The following DNAH14 variants were observed in gnomAD, a reference collection of about 807,000 sequenced individuals.
The protein encoded by DNAH14 is dynein axonemal heavy chain 14.
DNAH14 carries 478 observed loss-of-function variants against 520.9 expected under a neutral mutation model. The observed-to-expected ratio is 0.92, with a 90% CI of 0.85 to 0.99. DNAH14 has a LOEUF of 0.99. DNAH14 is among the 50% of genes least tolerant of loss of function. The pLI, the probability that DNAH14 is intolerant of heterozygous loss-of-function variation, is 0.00. For missense variants in DNAH14, 4,831 were observed against 5,234.5 expected (o/e 0.92, Z 2.38); for synonymous variants, 1,581 against 1,757.2 (o/e 0.90, Z 2.51).
intron 75 of DNAH14, among the ~76,000 whole-genome samples, chr1:225,362,692 GCTA>G (rs2095506751): frequency 6.6e-6 from 1 of 151,474 alleles, no homozygotes. Context: ...CCTCCAAAAG[GCTA>G]CTATCAAAAA....
rs61851487 is a variant in DNAH14 at position 225,185,370 on chromosome 1, C to T, written c.5615C>T (p.Thr1872Met). ...AGAAGAATTTTGGAAAAAGCATTAA[C>T]GCTATTACCAATTGCAGACTTCTTA... ...TVRRILEKAL[T>M]LLPIADFLSV... Residue 1872 changes from threonine to methionine, a missense_variant, in exon 37 of 86, where the codon ACG (threonine) becomes ATG (methionine). By Grantham distance (81) the Thr-to-Met change is moderately conservative. Transcript: ENST00000682510. 0.12 allele frequency: 184,463 copies of T among 1,544,372 alleles called. 12,165 individuals carry two copies. The highest frequency in any genetic ancestry group is 0.3 in the East Asian group (11,912 of 40,146).
At chr1:225,159,953 G>A (rs2081373418) in intron 35 of DNAH14, among the ~76,000 whole-genome samples, 1 of 152,016 alleles carries the variant, frequency 6.6e-6, no homozygotes, top group South Asian at 2.1e-4. Context: ...AGAACTCAAT[G>A]TCTCTTGTTA....
rs948737302 is a variant in DNAH14 at position 225,374,786 on chromosome 1, G to T, written c.12417G>T (p.Arg4139=). The change falls in exon 78 of 86, where the codon CGG becomes CGT. Residue 4139 remains arginine (R), a synonymous_variant. Transcript: ENST00000682510. ...YLIGEVIYGG[R]VIDNWDKRCL... ...TTGGAGAAGTGATTTACGGTGGCCG[G>T]GTGATTGATAATTGGGACAAGCGAT... 1 of 1,551,500 alleles carries T rather than the reference G, an allele frequency of 6.4e-7. No homozygotes were observed. The highest frequency in any genetic ancestry group is 1.7e-4 in the Middle Eastern group (1 of 5,992).
intron 35 of DNAH14, among the ~76,000 whole-genome samples, chr1:225,162,759 C>G (rs1165076160): frequency 2.0e-5 from 3 of 151,888 alleles, no homozygotes; most frequent in Non-Finnish European, 2.9e-5. Flanking sequence ...GAGTTAATTC[C>G]TAGGTATTTA....
intron 17 of DNAH14, among the ~76,000 whole-genome samples, chr1:225,075,110 C>T (rs2072093316): frequency 6.6e-6 from 1 of 152,206 alleles, no homozygotes; most frequent in Non-Finnish European, 1.5e-5. Flanking sequence ...CTCTGTGTGT[C>T]AGACTGAAGG....
At chr1:225,393,912 G>A (rs1178044395) in intron 84 of DNAH14, among the ~76,000 whole-genome samples, 10 of 150,862 alleles carry the variant, frequency 6.6e-5, no homozygotes, top group Middle Eastern at 6.8e-3. Flanking sequence ...TCCGCCTCCC[G>A]GGTTCACACC....
intron 17 of DNAH14, among the ~76,000 whole-genome samples, chr1:225,055,942 A>G (rs1356825192): frequency 1.3e-5 from 2 of 151,870 alleles, no homozygotes; most frequent in Non-Finnish European, 2.9e-5. Flanking sequence ...TCATTGTTGG[A>G]TATTTGGCTT....
At chr1:225,027,905 T>C (rs1464293088) in intron 11 of DNAH14, among the ~76,000 whole-genome samples, 1 of 152,168 alleles carries the variant, frequency 6.6e-6, no homozygotes. Context: ...CGTATGTCTT[T>C]TACTTTATTA....
Position 225,140,838 on chromosome 1 carries a change from A to G in DNAH14, c.4325A>G (p.Lys1442Arg), listed in dbSNP as rs1221698505. The stretch of plus-strand genomic sequence containing the variant: ...TCTTATTCAAGAGAAAAATTGGAAA[A>G]AGTCCACGCTGGTCTGATGTGTCAT... ...VSSYSREKLEKVHAGLMCHLE... is the reference protein window; with the variant it reads ...VSSYSREKLERVHAGLMCHLE... Residue 1442 changes from lysine (K) to arginine (R), a missense_variant, in exon 28 of 86, where the codon AAA (lysine) becomes AGA (arginine). Transcript: ENST00000682510. 6.4e-7 allele frequency: 1 copy of G among 1,551,044 alleles called. No homozygotes were observed. The highest frequency in any genetic ancestry group is 8.7e-7 in the Non-Finnish European group (1 of 1,146,902).
chr1:225,349,836 C>T (rs767147096), intron 71 of DNAH14, among the ~76,000 whole-genome samples: 2 of 152,022 alleles, frequency 1.3e-5, no homozygotes, highest in African/African-American at 4.8e-5. Flanking sequence ...AATAAGACAG[C>T]GACCCAATAA....
At chr1:224,967,372 A>G (rs1451341297) in intron 5 of DNAH14, 59 bp from the exon 6 acceptor site, 4 of 1,267,984 alleles carry the variant, frequency 3.2e-6, no homozygotes, top group Non-Finnish European at 4.2e-6. Flanking sequence ...CCATTGTATT[A>G]ATTTAGTTAA....
At chr1:224,939,614 G>T (rs931566957) in intron 1 of DNAH14, among the ~76,000 whole-genome samples, 2 of 152,130 alleles carry the variant, frequency 1.3e-5, no homozygotes, top group African/African-American at 2.4e-5. Context: ...AACCCGGGAG[G>T]TGGAGCTTGC....
chr1:225,394,382 A>G (rs149025648), intron 84 of DNAH14, among the ~76,000 whole-genome samples: 147 of 152,256 alleles, frequency 9.7e-4, no homozygotes, highest in African/African-American at 3.1e-3. Flanking sequence ...ATGAACAAAA[A>G]TTTTTTTGTT....
chr1:224,985,003 C>G (rs867527197), intron 8 of DNAH14, among the ~76,000 whole-genome samples: 7 of 152,092 alleles, frequency 4.6e-5, no homozygotes, highest in Non-Finnish European at 1.0e-4. Context: ...GGGAACACTT[C>G]GACACTGCTG....
intron 66 of DNAH14, among the ~76,000 whole-genome samples, chr1:225,335,157 GCATGTGTGCATGTGTA>G (rs1413117390): frequency 2.0e-5 from 3 of 147,018 alleles, no homozygotes; most frequent in Admixed American, 6.7e-5. Flanking sequence ...GTACATGTGT[GCATGTGTGCATGTGTA>G]CATGTGCGCA....
rs148407888 is a variant in DNAH14 at position 224,978,353 on chromosome 1, T to G, written c.830+4200T>G. 1.2e-4 allele frequency among the ~76,000 whole-genome samples: 19 copies of G among 152,334 alleles called. No homozygotes were observed. The East Asian group carries it at 3.7e-3, about 29-fold the overall frequency. ...AAAAAAGATTAAATTCAGTCATTTA[T>G]GGCAAGATGGATGAGTTTGGAGGAC... is the stretch of plus-strand genomic sequence containing the variant. On this transcript the variant is annotated intron_variant, in intron 8 of 85. Coordinates refer to ENST00000682510, the MANE Select transcript of DNAH14 (RefSeq NM_001367479.1).
At chr1:225,012,295 A>G (rs559121913) in intron 10 of DNAH14, among the ~76,000 whole-genome samples, 1 of 152,250 alleles carries the variant, frequency 6.6e-6, no homozygotes, top group Non-Finnish European at 1.5e-5. Context: ...CTATTCTAGC[A>G]TGTAGAGTTT....
intron 38 of DNAH14, among the ~76,000 whole-genome samples, chr1:225,193,832 G>A (rs10799296): frequency 0.15 from 23,428 of 151,688 alleles, 2,114 homozygotes; most frequent in East Asian, 0.36. Context: ...TCCAAATCTC[G>A]TAAACAACTC....
Position 225,206,676 on chromosome 1 carries a change from T to C in DNAH14, c.6187-292T>C, listed in dbSNP as rs987334693. 3.9e-5 allele frequency among the ~76,000 whole-genome samples: 6 copies of C among 152,324 alleles called. 1 individual carries two copies. The highest frequency in any genetic ancestry group is 3.4e-3 in the Middle Eastern group (1 of 294). ...TGAATGTTATGAATAAATCTAAGTA[T>C]AGGGCTGACTTCTGGGTAAGCAGTA... is the stretch of plus-strand genomic sequence containing the variant. On this transcript the variant is annotated intron_variant, in intron 40 of 85. Transcript: ENST00000682510.
Sources: gnomAD v4.1 joint callset for allele counts (sites outside exome capture counted in the v4.1 genomes callset) on GRCh38, gnomAD v4.1.1 for gene constraint, MANE v1.5 for transcripts, NCBI Gene and HGNC (gene_info 2026-07-23, HGNC 2026-07-21) for gene names.